The following DMD variants were observed in gnomAD, a reference collection of about 807,000 sequenced individuals.
DMD encodes the protein dystrophin.
Under a neutral mutation model 330.1 loss-of-function variants are expected in DMD, and 63 were observed. That is an observed-to-expected ratio of 0.19 (90% CI 0.16 to 0.24). The LOEUF is 0.24. Among genes scored for constraint, DMD ranks in the 10% least tolerant of loss-of-function variants. DMD has a pLI of 1.00. For synonymous variants in DMD, 1,223 were observed against 959.8 expected, an observed-to-expected ratio of 1.27 and a Z score of -5.07; for missense variants, 3,344 against 2,684.1, an observed-to-expected ratio of 1.25 and a Z score of -5.43.
At chrX:32,453,178 T>G (rs2098341049) in intron 26 of DMD, among the ~76,000 whole-genome samples, 1 of 111,056 alleles carries the variant, frequency 9.0e-6, no homozygotes, top group Non-Finnish European at 1.9e-5. Context: ...ATTTATTGCC[T>G]GCTCCTCACC....
At chrX:33,216,727 T>C (rs1569558723) in intron 1 of DMD, among the ~76,000 whole-genome samples, 1 of 112,278 alleles carries the variant, frequency 8.9e-6, no homozygotes, top group Non-Finnish European at 1.9e-5. Flanking sequence ...CACATTTTTT[T>C]AAATTACTTT....
chrX:32,223,263 G>T (rs1433844147), intron 43 of DMD, among the ~76,000 whole-genome samples: 2 of 111,712 alleles, frequency 1.8e-5, no homozygotes, highest in African/African-American at 6.5e-5. Flanking sequence ...AAGGCAGAAG[G>T]TAGAAGGGCA....
chrX:32,454,849 A>C lies in DMD; in HGVS notation c.3433-17T>G. On this transcript the variant is annotated splice_polypyrimidine_tract_variant and intron_variant, in intron 25 of 78. Coordinates refer to ENST00000357033, the MANE Select transcript of DMD (RefSeq NM_004006.3). Reference sequence around the variant, plus strand: ...GGCATAGACCTTCCACAAAACAAACAAACAAAACACGATTATTGACAGTGA... The same window carrying C: ...GGCATAGACCTTCCACAAAACAAACCAACAAAACACGATTATTGACAGTGA... 1 of 1,203,891 alleles carries C rather than the reference A, an allele frequency of 8.3e-7. No homozygotes were observed. The highest frequency in any genetic ancestry group is 1.8e-5 in the South Asian group (1 of 56,712).
At chrX:32,794,405 C>T (rs2076039119) in intron 7 of DMD, among the ~76,000 whole-genome samples, 2 of 110,889 alleles carry the variant, frequency 1.8e-5, no homozygotes, top group African/African-American at 6.6e-5. Context: ...CTGGCTAACA[C>T]GGTGAAACCC....
intron 41 of DMD, among the ~76,000 whole-genome samples, chrX:32,330,878 T>C (rs1042645773): frequency 6.3e-5 from 7 of 111,628 alleles, no homozygotes; most frequent in Non-Finnish European, 1.1e-4. Context: ...TCACCATTAT[T>C]GGGAGGTTCC....
intron 2 of DMD, among the ~76,000 whole-genome samples, chrX:32,893,365 CAT>C (rs1200206710): frequency 8.9e-6 from 1 of 111,903 alleles, no homozygotes; most frequent in African/African-American, 3.2e-5. Context: ...TCCTCTTAAA[CAT>C]ATTACTCATT....
At chrX:31,234,750 G>T (rs770355617) in intron 63 of DMD, among the ~76,000 whole-genome samples, 6 of 112,021 alleles carry the variant, frequency 5.4e-5, no homozygotes, top group African/African-American at 1.3e-4. Flanking sequence ...AGAAAAACCA[G>T]AGATGGACGG....
chrX:31,438,293 G>C (rs1385401433), intron 60 of DMD, among the ~76,000 whole-genome samples: 1 of 111,216 alleles, frequency 9.0e-6, no homozygotes. Context: ...AAATTTGTCT[G>C]TACCTGACAA....
chrX:31,780,000 G>A (rs1346175781), intron 50 of DMD, among the ~76,000 whole-genome samples: 2 of 111,368 alleles, frequency 1.8e-5, no homozygotes, highest in African/African-American at 6.5e-5. Flanking sequence ...TAATTAAAAG[G>A]TGTTGGCTTT....
intron 43 of DMD, among the ~76,000 whole-genome samples, chrX:32,242,414 T>A (rs2097212126): frequency 8.9e-6 from 1 of 111,877 alleles, no homozygotes; most frequent in African/African-American, 3.2e-5. Context: ...GCCAATAGAA[T>A]CATTCTGCAT....
rs2032466308 is a variant in DMD at position 31,121,321 on chromosome X, G to GTGGT, written c.*594_*597dup. On this transcript the variant is annotated 3_prime_UTR_variant, in exon 79 of 79. Transcript: ENST00000357033. ...CAGTGTGTAGTAGTCATTTGGTGTG[G>GTGGT]TGGTAGAGGAAGTCTTATCTTTAAT... The GTGGT allele has an allele frequency of 8.4e-6, 1 of 119,517 alleles. No homozygotes were observed. The highest frequency in any genetic ancestry group is 8.8e-5 in the Admixed American group (1 of 11,362). 9.8% of individuals were successfully genotyped at this position (119,517 alleles called of 1,213,427 possible). A position where few individuals can be genotyped will look rare whatever the true frequency, so the allele number is the denominator to read the frequency against.
chrX:31,899,414 C>G (rs2094392589), intron 47 of DMD, among the ~76,000 whole-genome samples: 1 of 109,059 alleles, frequency 9.2e-6, no homozygotes, highest in Non-Finnish European at 1.9e-5. Flanking sequence ...CAGCAGGTGC[C>G]TATTGATTTT....
At chrX:31,584,303 A>C (rs2076484435) in intron 55 of DMD, among the ~76,000 whole-genome samples, 2 of 101,162 alleles carry the variant, frequency 2.0e-5, no homozygotes, top group African/African-American at 7.3e-5. Flanking sequence ...GTTCCCCTCC[A>C]TGAGTCCATG....
intron 71 of DMD, among the ~76,000 whole-genome samples, chrX:31,176,598 C>T (rs1467418348): frequency 9.0e-6 from 1 of 111,222 alleles, no homozygotes; most frequent in Non-Finnish European, 1.9e-5. Flanking sequence ...TATCAGGATC[C>T]AATCAAGCTG....
In DMD at chrX:32,535,751, G is replaced by A. The variant is rs149265250; in HGVS notation, c.2168+9408C>T. On this transcript the variant is annotated intron_variant, in intron 17 of 78. Coordinates refer to ENST00000357033, the MANE Select transcript of DMD (RefSeq NM_004006.3). ...CCTCTCTTTAAATCACAGTGATTTT[G>A]TTTTTCTGACAAGACTCGCACAAAA... is the stretch of plus-strand genomic sequence containing the variant. 2.7e-3 allele frequency among the ~76,000 whole-genome samples: 303 copies of A among 111,247 alleles called. 3 individuals carry two copies. Among genetic ancestry groups the A allele is most frequent in the African/African-American group, 8.9e-3 (273 of 30,590 alleles).
chrX:33,261,216 G>A (rs184697109), intron 1 of DMD, among the ~76,000 whole-genome samples: 2 of 110,951 alleles, frequency 1.8e-5, no homozygotes, highest in East Asian at 5.7e-4. Context: ...AATAACGGGA[G>A]ATTAAATATA....
intron 29 of DMD, among the ~76,000 whole-genome samples, chrX:32,427,691 T>C (rs765664299): frequency 9.0e-6 from 1 of 110,971 alleles, no homozygotes; most frequent in South Asian, 3.8e-4. Flanking sequence ...TTCTACTGAG[T>C]TTGTTGATGA....
At chrX:33,059,358 C>T (rs1431067969) in intron 1 of DMD, among the ~76,000 whole-genome samples, 1 of 106,071 alleles carries the variant, frequency 9.4e-6, no homozygotes, top group East Asian at 3.2e-4. Flanking sequence ...AAAATAATTT[C>T]CCTCTATCTC....
At chrX:32,726,005 C>A (rs2066840656) in intron 7 of DMD, among the ~76,000 whole-genome samples, 1 of 110,639 alleles carries the variant, frequency 9.0e-6, no homozygotes, top group African/African-American at 3.3e-5. Context: ...AAAAATTCCC[C>A]TGGAATATAT....
Sources: gnomAD v4.1 joint callset for allele counts (sites outside exome capture counted in the v4.1 genomes callset) on GRCh38, gnomAD v4.1.1 for gene constraint, MANE v1.5 for transcripts, NCBI Gene and HGNC (gene_info 2026-07-23, HGNC 2026-07-21) for gene names.